ADAMTS2: variants seen among roughly 807,000 people sequenced by gnomAD.
The protein encoded by ADAMTS2 is ADAM metallopeptidase with thrombospondin type 1 motif 2, also known as A disintegrin and metalloproteinase with thrombospondin motifs 2.
In ADAMTS2, 50 loss-of-function variants were observed where a neutral mutation model predicts 123.0. The observed-to-expected ratio is 0.41, with a 90% CI of 0.32 to 0.51. The LOEUF (loss-of-function observed/expected upper bound fraction) is 0.51. Among genes scored for constraint, ADAMTS2 ranks in the 20% least tolerant of loss-of-function variants. The pLI is 0.35. For synonymous variants in ADAMTS2, 678 were observed against 695.4 expected, an observed-to-expected ratio of 0.98 and a Z score of 0.39; for missense variants, 1,494 against 1,705.2, an observed-to-expected ratio of 0.88 and a Z score of 2.18.
Position 179,272,244 on chromosome 5 carries a change from G to T in ADAMTS2, c.688+667C>A, listed in dbSNP as rs967917592. On this transcript the variant is annotated intron_variant, in intron 3 of 21. Coordinates refer to ENST00000251582, the MANE Select transcript of ADAMTS2 (RefSeq NM_014244.5). The surrounding 1 kb of genome is among the most constrained non-coding windows in gnomAD (Gnocchi z 5.8). Reference sequence around the variant, plus strand: ...ACAGTCATGGACTGTCACCATGGCCGCCTGGCAGCTCCTTTCACGTTTCTG... The same window carrying T: ...ACAGTCATGGACTGTCACCATGGCCTCCTGGCAGCTCCTTTCACGTTTCTG... Among the ~76,000 whole-genome samples the T allele has an allele frequency of 6.6e-6, 1 of 152,232 alleles. No homozygotes were observed. The highest frequency in any genetic ancestry group is 2.4e-5 in the African/African-American group (1 of 41,464).
chr5:179,309,577 G>A (rs995323324), intron 2 of ADAMTS2, among the ~76,000 whole-genome samples: 2 of 152,062 alleles, frequency 1.3e-5, no homozygotes, highest in Non-Finnish European at 2.9e-5. Flanking sequence ...CTAACATGGT[G>A]AAACCCTGTC....
chr5:179,199,586 G>A (rs1338908158), intron 4 of ADAMTS2, among the ~76,000 whole-genome samples: 1 of 152,190 alleles, frequency 6.6e-6, no homozygotes, highest in African/African-American at 2.4e-5. Flanking sequence ...TTCCAGGGGT[G>A]GCAGGAAGCT....
intron 13 of ADAMTS2, among the ~76,000 whole-genome samples, chr5:179,134,836 GCC>G: frequency 1.3e-5 from 1 of 76,742 alleles, no homozygotes; most frequent in South Asian, 4.6e-4. Flanking sequence ...CCCGGCTCCA[GCC>G]CCCAGCTCCC....
At chr5:179,321,029 G>T (rs1447027810) in intron 2 of ADAMTS2, among the ~76,000 whole-genome samples, 1 of 152,200 alleles carries the variant, frequency 6.6e-6, no homozygotes, top group African/African-American at 2.4e-5. Flanking sequence ...CCTGAAGCTA[G>T]ATAGTTCTAG....
intron 13 of ADAMTS2, among the ~76,000 whole-genome samples, chr5:179,135,399 G>A (rs780872775): frequency 1.5e-4 from 23 of 152,184 alleles, no homozygotes; most frequent in Non-Finnish European, 2.5e-4. Context: ...GAGGTGACAC[G>A]AGATTGTTTT....
At chr5:179,194,683 C>T (rs1268482414) in intron 4 of ADAMTS2, among the ~76,000 whole-genome samples, 1 of 152,116 alleles carries the variant, frequency 6.6e-6, no homozygotes, top group Non-Finnish European at 1.5e-5. Context: ...ATCTGCCGTG[C>T]TCTGGCCATG....
intron 3 of ADAMTS2, among the ~76,000 whole-genome samples, chr5:179,238,312 G>A (rs1031220509): frequency 5.9e-5 from 9 of 152,188 alleles, no homozygotes; most frequent in Admixed American, 5.9e-4. Context: ...ACTGTGTAGG[G>A]GCCAGCTCCC....
intron 2 of ADAMTS2, among the ~76,000 whole-genome samples, chr5:179,325,857 G>C (rs1294752847): frequency 6.6e-6 from 1 of 150,768 alleles, no homozygotes; most frequent in African/African-American, 2.5e-5. Flanking sequence ...ATGGCCTGTG[G>C]GAGGGACAGG....
chr5:179,113,845 G>C lies in ADAMTS2; in HGVS notation c.*22C>G. 6.2e-7 allele frequency: 1 copy of C among 1,609,102 alleles called. No homozygotes were observed. Among genetic ancestry groups the C allele is most frequent in the Non-Finnish European group, 8.5e-7 (1 of 1,175,416 alleles). On this transcript the variant is annotated 3_prime_UTR_variant, in exon 22 of 22. Coordinates refer to ENST00000251582, the MANE Select transcript of ADAMTS2 (RefSeq NM_014244.5). ...CTCTATAAGCAAGAAAAAAATGCTA[G>C]GGATGCTATCTTTCCATTTTATTAG...
intron 3 of ADAMTS2, among the ~76,000 whole-genome samples, chr5:179,253,805 C>T (rs890247619): frequency 1.3e-5 from 2 of 152,174 alleles, no homozygotes; most frequent in Non-Finnish European, 2.9e-5. Context: ...CCTGCCCCCT[C>T]TCCTGAGAGG....
intron 3 of ADAMTS2, among the ~76,000 whole-genome samples, chr5:179,222,662 G>A (rs1317861674): frequency 2.0e-5 from 3 of 152,246 alleles, no homozygotes. Context: ...CCAGGTAGCA[G>A]CCAGCGGCAG....
intron 2 of ADAMTS2, among the ~76,000 whole-genome samples, chr5:179,284,638 C>T (rs1228933090): frequency 6.6e-6 from 1 of 152,188 alleles, no homozygotes; most frequent in African/African-American, 2.4e-5. Flanking sequence ...CCGCCCACCT[C>T]GGCCTCCCAA....
At chr5:179,296,600 A>G (rs1756342196) in intron 2 of ADAMTS2, among the ~76,000 whole-genome samples, 1 of 152,136 alleles carries the variant, frequency 6.6e-6, no homozygotes, top group African/African-American at 2.4e-5. Context: ...CGACTCGGAT[A>G]AGGAAGGACC....
chr5:179,230,246 G>A (rs888488870), intron 3 of ADAMTS2, among the ~76,000 whole-genome samples: 1 of 152,148 alleles, frequency 6.6e-6, no homozygotes, highest in African/African-American at 2.4e-5. Flanking sequence ...AGGGGGGAGG[G>A]GATGCGCAGA....
intron 2 of ADAMTS2, among the ~76,000 whole-genome samples, chr5:179,328,623 T>A (rs1211771300): frequency 6.6e-6 from 1 of 152,238 alleles, no homozygotes; most frequent in East Asian, 1.9e-4. Context: ...GGAATAAAGA[T>A]GTCTAAATTC....
rs1007619486 is a variant in ADAMTS2 at position 179,262,960 on chromosome 5, CT to C, written c.688+9950del. On this transcript the variant is annotated intron_variant, in intron 3 of 21. Coordinates refer to ENST00000251582, the MANE Select transcript of ADAMTS2 (RefSeq NM_014244.5). This position sits in a 1 kb window ranked among gnomAD's most constrained non-coding sequence, Gnocchi z 5.9. The stretch of plus-strand genomic sequence containing the variant: ...GCCCTCTCTGAGCCTCAGTCTCCCC[CT>C]AAGCAGTAGAGCTGCTAATGCTATT... 1.4e-4 allele frequency among the ~76,000 whole-genome samples: 21 copies of C among 152,356 alleles called. No homozygotes were observed. The highest frequency in any genetic ancestry group is 4.8e-4 in the African/African-American group (20 of 41,572).
At chr5:179,282,102 A>G (rs1326589725) in intron 2 of ADAMTS2, among the ~76,000 whole-genome samples, 3 of 152,098 alleles carry the variant, frequency 2.0e-5, no homozygotes, top group Non-Finnish European at 4.4e-5. Context: ...CTGTCTTTTC[A>G]ACTTTCTTAT....
chr5:179,177,420 C>A (rs763123285), intron 5 of ADAMTS2, among the ~76,000 whole-genome samples: 1 of 152,144 alleles, frequency 6.6e-6, no homozygotes, highest in Non-Finnish European at 1.5e-5. Context: ...CCATTGACTA[C>A]GAAAGACACA....
rs558925840 is a variant in ADAMTS2, at chr5:179,115,081, C to T, written c.3179-757G>A. Among the ~76,000 whole-genome samples, 15 of 152,290 alleles carry T rather than the reference C, an allele frequency of 9.8e-5. No individual in the cohort carries two copies. In the South Asian group the frequency reaches 2.7e-3, roughly 27 times the overall value. On this transcript the variant is annotated intron_variant, in intron 21 of 21. Transcript: ENST00000251582. This position sits in a 1 kb window ranked among gnomAD's most constrained non-coding sequence, Gnocchi z 4.4. ...ACGTGCTGCCCTCACATAGATTAAT[C>T]GTTCCACCCTGCACATCTTTCTCTT...
Sources: gnomAD v4.1 joint callset for allele counts (sites outside exome capture counted in the v4.1 genomes callset) on GRCh38, gnomAD v4.1.1 for gene constraint, Gnocchi (gnomAD v3.1) non-coding constraint, MANE v1.5 for transcripts, NCBI Gene and HGNC (gene_info 2026-07-23, HGNC 2026-07-21) for gene names.